The following MAMDC4 variants were observed in gnomAD, a reference collection of about 807,000 sequenced individuals.
MAMDC4 encodes the protein MAM domain containing 4.
Under a neutral mutation model 153.3 loss-of-function variants are expected in MAMDC4, and 168 were observed. The ratio of observed to expected loss-of-function variants is 1.10; its 90% CI spans 0.97 to 1.25. MAMDC4 has a LOEUF of 1.25. Ranked by LOEUF, MAMDC4 falls within the 50% of genes most tolerant of loss-of-function variation. The pLI is 0.00. For synonymous variants in MAMDC4, 744 were observed against 651.5 expected (o/e 1.14, Z -2.16); for missense variants, 1,701 against 1,542.8 (o/e 1.10, Z -1.72).
In MAMDC4 at chr9:136,855,465, C is replaced by A. The variant is rs1275794137; in HGVS notation, c.1317C>A (p.Pro439=). The part of the protein sequence containing the change: ...VSTLQPLPPG[P]RAPAPQPLPP... ...CCCTGCAGCCGCTGCCTCCTGGGCC[C>A]CGGGCCCCAGCCCCCCAGCCCCTGC... The change falls in exon 12 of 27, where the codon CCC becomes CCA. Residue 439 remains proline, a synonymous_variant. Coordinates refer to ENST00000317446, the MANE Select transcript of MAMDC4 (RefSeq NM_206920.3). 3 of 1,608,416 alleles carry A rather than the reference C, an allele frequency of 1.9e-6. No individual in the cohort carries two copies. The East Asian group carries it at 6.7e-5, about 36-fold the overall frequency.
At position 136,854,004 on chromosome 9, in the gene MAMDC4, G is replaced by A. The variant is rs1408268665; in HGVS notation, c.598G>A (p.Ala200Thr). 6.2e-7 allele frequency: 1 copy of A among 1,612,892 alleles called. No homozygotes were observed. Among genetic ancestry groups the A allele is most frequent in the African/African-American group, 1.3e-5 (1 of 74,996 alleles). Residue 200 changes from alanine (A) to threonine (T), a missense_variant, in exon 6 of 27, where the codon GCC becomes ACC. By Grantham distance (58) the Ala-to-Thr change is moderately conservative. Transcript: ENST00000317446. Reference protein sequence around the residue: ...IRGDFRVTFSATRNATHRGAV... With the variant: ...IRGDFRVTFSTTRNATHRGAV... The stretch of plus-strand genomic sequence containing the variant: ...CTGTTCTCTTCAGGTGACCTTCTCT[G>A]CCACCCGAAATGCCACCCACAGGGG...
In MAMDC4 at chr9:136,857,787, C is replaced by T. The variant is rs1164789738; in HGVS notation, c.2455C>T (p.Arg819Cys). The T allele has an allele frequency of 5.6e-6, 9 of 1,612,142 alleles. No individual in the cohort carries two copies. The highest frequency in any genetic ancestry group is 1.3e-5 in the African/African-American group (1 of 74,934). ...CLTFWYHGSL[R>C]SPGTLRVYLE... Reference sequence around the variant, plus strand: ...GACCTTCTGGTACCACGGGAGCCTCCGCAGCCCAGGTGAGGGGCTTTGGGA... The same window carrying T: ...GACCTTCTGGTACCACGGGAGCCTCTGCAGCCCAGGTGAGGGGCTTTGGGA... The change falls in exon 19 of 27, where the codon CGC becomes TGC. Residue 819 changes from arginine (R) to cysteine (C), a missense_variant. Physicochemically the swap from Arg to Cys is radical, Grantham distance 180. Transcript: ENST00000317446.
At chr9:136,858,163 C>T in intron 20 of MAMDC4, 23 bp from the exon 21 acceptor site, 1 of 1,558,384 alleles carries the variant, frequency 6.4e-7, no homozygotes. Flanking sequence ...CCCGCTGAGG[C>T]TGCCCTGCCC....
intron 19 of MAMDC4, 45 bp downstream of exon 19, chr9:136,857,841 G>T: frequency 6.3e-7 from 1 of 1,592,358 alleles, no homozygotes; most frequent in South Asian, 1.1e-5. Context: ...AGGGAAGCTT[G>T]GCCTGGTGTC....
In MAMDC4 at chr9:136,858,246, C is replaced by T. The variant is rs764712286; in HGVS notation, c.2644C>T (p.Leu882Phe). ...CTCCTACGTGGCTCTGGATGATCTGCTCCTCCAGGACGGGCCCTGCCCTCA... is the reference window on the plus strand; with the variant it reads ...CTCCTACGTGGCTCTGGATGATCTGTTCCTCCAGGACGGGCCCTGCCCTCA... ...AHSYVALDDL[L>F]LQDGPCPQPG... Residue 882 changes from leucine to phenylalanine, a missense_variant, in exon 21 of 27, where the codon CTC becomes TTC. By Grantham distance (22) the Leu-to-Phe change is conservative. Coordinates refer to ENST00000317446, the MANE Select transcript of MAMDC4 (RefSeq NM_206920.3). 1 of 1,601,958 alleles carries T rather than the reference C, an allele frequency of 6.2e-7. No individual in the cohort carries two copies. Among genetic ancestry groups the T allele is most frequent in the South Asian group, 1.1e-5 (1 of 90,578 alleles).
At chr9:136,859,156 GCCT>G (rs753589701) in intron 24 of MAMDC4, 24 bp downstream of exon 24, 22 of 1,585,074 alleles carry the variant, frequency 1.4e-5, no homozygotes, top group Admixed American at 1.7e-5. Flanking sequence ...TGGGCAAGGA[GCCT>G]CCTCCTCCTC....
At chr9:136,854,416 G>T in intron 7 of MAMDC4, 80 bp downstream of exon 7, 1 of 1,493,802 alleles carries the variant, frequency 6.7e-7, no homozygotes. Context: ...TCCAGGAGGG[G>T]GTGCCTTGGA....
At chr9:136,857,090 G>T (rs370700611) in intron 16 of MAMDC4, 49 bp downstream of exon 16, 13 of 1,603,306 alleles carry the variant, frequency 8.1e-6, no homozygotes, top group Non-Finnish European at 1.1e-5. Context: ...GCCCCCGGGG[G>T]TTCAGAGTCC....
Position 136,855,059 on chromosome 9 carries a change from G to C in MAMDC4, c.1146G>C (p.Gly382=), listed in dbSNP as rs757408722. ...VLLRRRRGEL[G]TAWVRDRVDI... ...TGCGGAGGCGCCGAGGGGAGCTGGG[G>C]ACCGCCTGGGTCCGAGACCGTGTTG... Residue 382 remains glycine (G), a synonymous_variant, in exon 10 of 27, where the codon GGG becomes GGC. Coordinates refer to ENST00000317446, the MANE Select transcript of MAMDC4 (RefSeq NM_206920.3). 1 of 1,604,486 alleles carries C rather than the reference G, an allele frequency of 6.2e-7. No individual in the cohort carries two copies. Among genetic ancestry groups the C allele is most frequent in the Non-Finnish European group, 8.5e-7 (1 of 1,176,660 alleles).
chr9:136,855,176 G>A, intron 10 of MAMDC4, 66 bp downstream of exon 10: 1 of 1,572,414 alleles, frequency 6.4e-7, no homozygotes, highest in Non-Finnish European at 8.6e-7. Flanking sequence ...GAACCCACAA[G>A]GTACCCACTG....
rs767157856 is a variant in MAMDC4 at position 136,858,086 on chromosome 9, C to G, written c.2572C>G (p.Arg858Gly). 6.5e-7 allele frequency: 1 copy of G among 1,531,488 alleles called. No homozygotes were observed. The highest frequency in any genetic ancestry group is 8.8e-7 in the Non-Finnish European group (1 of 1,140,616). 94.9% of individuals were successfully genotyped at this position (1,531,488 alleles called of 1,614,324 possible). ...RLGSMDVQAE[R>G]AWRVVFEAVA... ...GGGCAGCATGGACGTGCAGGCCGAGCGAGCCTGGAGGGTGAGTGCAGGGTG... is the reference window on the plus strand; with the variant it reads ...GGGCAGCATGGACGTGCAGGCCGAGGGAGCCTGGAGGGTGAGTGCAGGGTG... The change falls in exon 20 of 27, where the codon CGA becomes GGA. Residue 858 changes from arginine (R) to glycine (G), a missense_variant. Physicochemically the swap from Arg to Gly is moderately radical, Grantham distance 125. Coordinates refer to ENST00000317446, the MANE Select transcript of MAMDC4 (RefSeq NM_206920.3).
At chr9:136,859,544 C>G in intron 25 of MAMDC4, 5 of 597,378 alleles carry the variant, frequency 8.4e-6, no homozygotes, top group Non-Finnish European at 1.5e-5. Flanking sequence ...CCTCTGGGGC[C>G]TGCCCTGCCT....
rs1199832918 is a variant in MAMDC4, at chr9:136,859,023, T to C, written c.2975T>C (p.Val992Ala). ...CTCTCAGACAAGGGGGAGCTGAAGG[T>C]ACTGCTGCACAGTGCTCAGGGCCAG... ...PEHFYKGELK[V>A]LLHSAQGQLA... Residue 992 changes from valine to alanine, a missense_variant, in exon 24 of 27, where the codon GTA becomes GCA. Physicochemically the swap from Val to Ala is moderately conservative, Grantham distance 64. Transcript: ENST00000317446. 2.0e-6 allele frequency: 3 copies of C among 1,535,476 alleles called. No homozygotes were observed. In the African/African-American group the frequency reaches 4.1e-5, roughly 21 times the overall value.
intron 26 of MAMDC4, among the ~76,000 whole-genome samples, chr9:136,860,309 C>G (rs924965730): frequency 8.5e-5 from 13 of 152,312 alleles, no homozygotes; most frequent in African/African-American, 3.1e-4. Context: ...CACCTGAGGT[C>G]AGGAGTTTGA....
rs1438203817 is a variant in MAMDC4, at chr9:136,856,845, C to G, written c.1837+19C>G. 9.3e-6 allele frequency: 15 copies of G among 1,612,402 alleles called. No individual in the cohort carries two copies. The East Asian group carries it at 3.3e-4, about 36-fold the overall frequency. ...GGCCAAGGTAGGATGGGCGCTCAGA[C>G]CGGGGGTGGCTTTCAGACGAGAGTG... On this transcript the variant is annotated intron_variant, in intron 15 of 26. Coordinates refer to ENST00000317446, the MANE Select transcript of MAMDC4 (RefSeq NM_206920.3).
rs1468797235 is a variant in MAMDC4 at position 136,857,480 on chromosome 9, C to T, written c.2220C>T (p.Asp740=). ...ATTACTGCTCCTTTGAGGACTCAGA[C>T]TGCGGCTTCTCCCCTGGAGGCCAAG... The part of the protein sequence containing the change: ...APNYCSFEDS[D]CGFSPGGQGL... Residue 740 remains aspartate (D), a synonymous_variant, in exon 18 of 27, where the codon GAC becomes GAT. Coordinates refer to ENST00000317446, the MANE Select transcript of MAMDC4 (RefSeq NM_206920.3). The T allele has an allele frequency of 3.7e-6, 6 of 1,609,500 alleles. No individual in the cohort carries two copies. Among genetic ancestry groups the T allele is most frequent in the East Asian group, 4.5e-5 (2 of 44,874 alleles).
rs1381419072 is a variant in MAMDC4, at chr9:136,859,963, G to C, written c.3271G>C (p.Gly1091Arg). 9.9e-6 allele frequency: 16 copies of C among 1,613,046 alleles called. No homozygotes were observed. Among genetic ancestry groups the C allele is most frequent in the Non-Finnish European group, 1.2e-5 (14 of 1,179,926 alleles). ...LLLLMLLVLLGLGGRRWLQKK... is the reference protein window; with the variant it reads ...LLLLMLLVLLRLGGRRWLQKK... ...ATTGCTCATGCTCCTGGTGCTGCTG[G>C]GACTTGGGGGACGGCGCTGGCTGCA... Residue 1091 changes from glycine (G) to arginine (R), a missense_variant, in exon 26 of 27, where the codon GGA (glycine) becomes CGA (arginine). By Grantham distance (125) the Gly-to-Arg change is moderately radical (BLOSUM62 -2). Coordinates refer to ENST00000317446, the MANE Select transcript of MAMDC4 (RefSeq NM_206920.3).
rs775892754 is a variant in MAMDC4 at position 136,856,147 on chromosome 9, G to C, written c.1718G>C (p.Arg573Pro). The C allele has an allele frequency of 5.0e-6, 8 of 1,612,026 alleles. No homozygotes were observed. The African/African-American group carries it at 1.1e-4, about 21-fold the overall frequency. Residue 573 changes from arginine (R) to proline (P), a missense_variant and splice_region_variant, in exon 14 of 27, where the codon CGA becomes CCA. Transcript: ENST00000317446. ...HLAYYLQSQPREVSCNFERDT... is the reference protein window; with the variant it reads ...HLAYYLQSQPPEVSCNFERDT... ...GCTTATTATTTACAGAGCCAGCCCC[G>C]AGGTACCGCCACACTCCGCAAGTTC...
In MAMDC4 at chr9:136,856,004, T is replaced by C. The variant is rs1262886901; in HGVS notation, c.1589-14T>C. ...GGAAGGGATGAGGCTCTGAGCACCATGCTCTTCCCCTAGGGCACTTCCTGT... is the reference window on the plus strand; with the variant it reads ...GGAAGGGATGAGGCTCTGAGCACCACGCTCTTCCCCTAGGGCACTTCCTGT... On this transcript the variant is annotated splice_polypyrimidine_tract_variant and intron_variant, in intron 13 of 26. Coordinates refer to ENST00000317446, the MANE Select transcript of MAMDC4 (RefSeq NM_206920.3). The C allele has an allele frequency of 1.9e-6, 3 of 1,605,342 alleles. No homozygotes were observed. Among genetic ancestry groups the C allele is most frequent in the South Asian group, 2.2e-5 (2 of 90,322 alleles).
Sources: allele counts gnomAD v4.1 joint callset (sites outside exome capture counted in the v4.1 genomes callset), GRCh38; gene constraint gnomAD v4.1.1; transcripts MANE v1.5; gene names NCBI Gene and HGNC (gene_info 2026-07-23, HGNC 2026-07-21).